Variants in RMDN1 observed in about 807,000 individuals in gnomAD.
The protein encoded by RMDN1 is regulator of microtubule dynamics protein 1.
In RMDN1, 48 loss-of-function variants were observed where a neutral mutation model predicts 48.9. The observed-to-expected ratio is 0.98, with a 90% CI of 0.78 to 1.25. RMDN1 has a LOEUF of 1.25. RMDN1 is among the 50% of genes most tolerant of loss of function. The pLI is 0.00. For missense variants in RMDN1, 418 were observed against 373.4 expected (o/e 1.12, Z -0.98); for synonymous variants, 148 against 132.6 (o/e 1.12, Z -0.80).
In RMDN1 at chr8:86,473,582, A is replaced by G. The variant is rs1041408711; in HGVS notation, c.*726T>C. On this transcript the variant is annotated 3_prime_UTR_variant, in exon 10 of 10. Coordinates refer to ENST00000406452, the MANE Select transcript of RMDN1 (RefSeq NM_016033.3). ...GGAGTTTGAGACCAGCCTAGCCAAC[A>G]TGGCAAAACCCCATCTCTACCAAAA... 2.1e-6 allele frequency: 1 copy of G among 487,698 alleles called. No individual in the cohort carries two copies. The highest frequency in any genetic ancestry group is 2.1e-5 in the African/African-American group (1 of 47,550). The allele number at this position is 487,698 out of a possible 1,614,324, so 30.2% of individuals were successfully genotyped here.
At chr8:86,486,388 A>C in intron 4 of RMDN1, 96 bp downstream of exon 4, 1 of 861,338 alleles carries the variant, frequency 1.2e-6, no homozygotes, top group Non-Finnish European at 1.6e-6. Context: ...AACTTAAAAT[A>C]GAGAAATTGT....
At chr8:86,504,562 C>T in intron 2 of RMDN1, 1 of 1,276,692 alleles carries the variant, frequency 7.8e-7, no homozygotes, top group Non-Finnish European at 1.1e-6. Context: ...ATTTCTGCTG[C>T]AAAGGGCAGG....
chr8:86,480,559 A>G (rs1285094312), intron 5 of RMDN1, among the ~76,000 whole-genome samples: 1 of 152,100 alleles, frequency 6.6e-6, no homozygotes, highest in East Asian at 1.9e-4. Context: ...AGACATTTAT[A>G]GTAAGTGTCT....
intron 5 of RMDN1, among the ~76,000 whole-genome samples, chr8:86,484,042 C>A (rs1240792657): frequency 6.6e-6 from 1 of 152,166 alleles, no homozygotes; most frequent in Admixed American, 6.5e-5. Flanking sequence ...GACTGTTACA[C>A]TGGACCACGC....
chr8:86,483,090 T>C (rs1392890149), intron 5 of RMDN1: 1 of 415,996 alleles, frequency 2.4e-6, no homozygotes, highest in Non-Finnish European at 4.3e-6. Flanking sequence ...TTATAATCAA[T>C]CCTTCCTGCC....
intron 5 of RMDN1, 54 bp downstream of exon 5, chr8:86,484,818 T>C: frequency 8.6e-7 from 1 of 1,166,410 alleles, no homozygotes; most frequent in Non-Finnish European, 1.2e-6. Flanking sequence ...AACAAAAATC[T>C]ATTCAGAAAA....
intron 2 of RMDN1, chr8:86,504,314 A>G (rs1264686217): frequency 1.3e-6 from 2 of 1,579,808 alleles, no homozygotes; most frequent in Non-Finnish European, 1.7e-6. Context: ...GAGATGCAAG[A>G]TGAGAGTGCA....
At chr8:86,468,545 A>T (rs1812292642), downstream of RMDN1, 16 of 419,436 alleles carry the variant, frequency 3.8e-5, 1 homozygote, top group South Asian at 2.8e-4. Flanking sequence ...AAATGGTACC[A>T]CTGCTGTATA....
At chr8:86,486,420 T>C in intron 4 of RMDN1, 64 bp downstream of exon 4, 2 of 1,170,364 alleles carry the variant, frequency 1.7e-6, no homozygotes, top group Non-Finnish European at 2.3e-6. Flanking sequence ...AAATCAGAGA[T>C]AATAGAAAAA....
rs1228786399 is a variant in RMDN1, at chr8:86,508,579, T to C, written c.42A>G (p.Arg14=). 2 of 1,603,726 alleles carry C rather than the reference T, an allele frequency of 1.2e-6. No individual in the cohort carries two copies. The highest frequency in any genetic ancestry group is 1.7e-6 in the Non-Finnish European group (2 of 1,176,618). The change falls in exon 1 of 10, where the codon CGA becomes CGG. Residue 14 remains arginine, a synonymous_variant. Transcript: ENST00000406452. Reference sequence around the variant, plus strand: ...GACGAGACCCCGGGGCGGCTCCACGTCGGAAAGGCAGAAGGCGCCACAGTC... The same window carrying C: ...GACGAGACCCCGGGGCGGCTCCACGCCGGAAAGGCAGAAGGCGCCACAGTC... ...AARLWRLLPF[R]RGAAPGSRLP...
chr8:86,470,308 G>C, downstream of RMDN1: 2 of 1,289,332 alleles, frequency 1.6e-6, no homozygotes, highest in Non-Finnish European at 2.0e-6. Context: ...GGGCTGCACG[G>C]GAAGGAGAAT....
At chr8:86,476,144 T>A (rs1053026128) in intron 8 of RMDN1, among the ~76,000 whole-genome samples, 22 of 152,146 alleles carry the variant, frequency 1.4e-4, no homozygotes, top group African/African-American at 5.3e-4. Flanking sequence ...TCCATGAGGG[T>A]AGGACCATGT....
At chr8:86,497,906 C>A (rs1414777195) in intron 2 of RMDN1, among the ~76,000 whole-genome samples, 1 of 151,790 alleles carries the variant, frequency 6.6e-6, no homozygotes, top group African/African-American at 2.4e-5. Context: ...GACAGCCTGA[C>A]CAACATGGAG....
chr8:86,473,043 C>G lies in RMDN1; in HGVS notation c.*1265G>C, dbSNP rs1812795724. Reference sequence around the variant, plus strand: ...AAAATTTGGAAAAACATCCCAAATCCAAGATGCTTCTACTAGTCCCAAGTA... The same window carrying G: ...AAAATTTGGAAAAACATCCCAAATCGAAGATGCTTCTACTAGTCCCAAGTA... On this transcript the variant is annotated 3_prime_UTR_variant, in exon 10 of 10. Transcript: ENST00000406452. 1 of 915,296 alleles carries G rather than the reference C, an allele frequency of 1.1e-6. No individual in the cohort carries two copies. The highest frequency in any genetic ancestry group is 6.2e-5 in the Admixed American group (1 of 16,174). 56.7% of individuals were successfully genotyped at this position (915,296 alleles called of 1,614,324 possible).
Position 86,474,311 on chromosome 8 carries a change from ATTC to A in RMDN1, c.939_941del (p.Lys313del), listed in dbSNP as rs529480556. ...ATAAATCTTCTCTGAAAAGTTCTCA[ATTC>A]TTCTCACTGAAACTTGTAAGCAACT... On this transcript the variant is annotated inframe_deletion, in exon 10 of 10. Transcript: ENST00000406452. The A allele has an allele frequency of 4.5e-3, 7,284 of 1,613,584 alleles. 35 individuals are homozygous for A. Among genetic ancestry groups the A allele is most frequent in the Non-Finnish European group, 5.2e-3 (6,095 of 1,179,716 alleles).
chr8:86,481,656 C>A (rs1814481431), intron 5 of RMDN1: 1 of 372,630 alleles, frequency 2.7e-6, no homozygotes, highest in East Asian at 3.9e-5. Context: ...GACCTAAGAC[C>A]CAATGGATGT....
downstream of RMDN1, chr8:86,468,597 G>A (rs1586545872): frequency 4.5e-6 from 2 of 444,786 alleles, no homozygotes; most frequent in East Asian, 7.0e-5. Context: ...ATTCATTGTA[G>A]GTATGATTTA....
intron 2 of RMDN1, among the ~76,000 whole-genome samples, chr8:86,492,200 T>A (rs1163569636): frequency 6.6e-6 from 1 of 152,048 alleles, no homozygotes; most frequent in Non-Finnish European, 1.5e-5. Context: ...GAAAAGAAAT[T>A]TTAAAAAACA....
At chr8:86,500,659 AACC>A (rs1357733133) in intron 2 of RMDN1, among the ~76,000 whole-genome samples, 1 of 152,170 alleles carries the variant, frequency 6.6e-6, no homozygotes, top group African/African-American at 2.4e-5. Flanking sequence ...CTTAAAATAG[AACC>A]ACTACTTGAT....
Sources: allele counts gnomAD v4.1 joint callset (sites outside exome capture counted in the v4.1 genomes callset), GRCh38; gene constraint gnomAD v4.1.1; transcripts MANE v1.5; gene names NCBI Gene and HGNC (gene_info 2026-07-23, HGNC 2026-07-21).